Variants in GABRG3 observed in about 807,000 individuals in gnomAD.
The protein encoded by GABRG3 is gamma-aminobutyric acid receptor subunit gamma-3.
In GABRG3, 25 loss-of-function variants were observed where a neutral mutation model predicts 48.8. The ratio of observed to expected loss-of-function variants is 0.51; its 90% CI spans 0.37 to 0.72. GABRG3 has a LOEUF of 0.72. Among genes scored for constraint, GABRG3 ranks in the 30% least tolerant of loss-of-function variants. The pLI is 0.00. For synonymous variants in GABRG3, 227 were observed against 217.6 expected (o/e 1.04, Z -0.38); for missense variants, 394 against 577.9 (o/e 0.68, Z 3.26).
At position 27,363,946 on chromosome 15, in the gene GABRG3, G is replaced by A. The variant is rs541380791; in HGVS notation, c.574+35058G>A. On this transcript the variant is annotated intron_variant, in intron 5 of 9. Coordinates refer to ENST00000615808, the MANE Select transcript of GABRG3 (RefSeq NM_033223.5). Reference sequence around the variant, plus strand: ...TGCCCTCTGAAGCCATTGAGTTTTGGTCCAGGAGTGTGAGATCTGATGGAC... The same window carrying A: ...TGCCCTCTGAAGCCATTGAGTTTTGATCCAGGAGTGTGAGATCTGATGGAC... The A allele has an allele frequency of 5.3e-5, 8 of 152,232 alleles. No homozygotes were observed. In the East Asian group the frequency reaches 1.6e-3, roughly 30 times the overall value. The allele number at this position is 152,232 out of a possible 1,614,324, so 9.4% of individuals were successfully genotyped here.
intron 3 of GABRG3, among the ~76,000 whole-genome samples, chr15:27,305,315 G>A (rs943596211): frequency 1.3e-5 from 2 of 151,366 alleles, no homozygotes; most frequent in African/African-American, 4.8e-5. Context: ...GTAACAAAAT[G>A]TGTACAGTGT....
intron 3 of GABRG3, among the ~76,000 whole-genome samples, chr15:27,067,194 G>T (rs876617): frequency 0.73 from 111,305 of 152,004 alleles, 42,259 homozygotes; most frequent in African/African-American, 0.93. Flanking sequence ...TGGTGAAGAC[G>T]TGGCACTCCA....
At position 27,294,350 on chromosome 15, in the gene GABRG3, G is replaced by A. The variant is rs564328964; in HGVS notation, c.271-32459G>A. 2.0e-5 allele frequency among the ~76,000 whole-genome samples: 3 copies of A among 150,996 alleles called. No individual in the cohort carries two copies. In the East Asian group the frequency reaches 5.9e-4, roughly 30 times the overall value. ...TGCCATCTCATCTTCCCAAGTAGCTGGGACCACAGGTGTGCACCACCACGC... is the reference window on the plus strand; with the variant it reads ...TGCCATCTCATCTTCCCAAGTAGCTAGGACCACAGGTGTGCACCACCACGC... On this transcript the variant is annotated intron_variant, in intron 3 of 9. Coordinates refer to ENST00000615808, the MANE Select transcript of GABRG3 (RefSeq NM_033223.5).
chr15:27,050,543 T>C (rs532958592), intron 3 of GABRG3, among the ~76,000 whole-genome samples: 238 of 152,170 alleles, frequency 1.6e-3, no homozygotes, highest in Non-Finnish European at 2.8e-3. Flanking sequence ...TGGGTTTTAC[T>C]ACCAGTAAAG....
At chr15:27,354,877 A>G (rs1894783954) in intron 5 of GABRG3, among the ~76,000 whole-genome samples, 1 of 152,222 alleles carries the variant, frequency 6.6e-6, no homozygotes, top group African/African-American at 2.4e-5. Context: ...TGCTCAGTAC[A>G]AAGTCTAGGT....
At chr15:27,527,400 C>T (rs1891303349) in intron 7 of GABRG3, 33 bp from the exon 8 acceptor site, 1 of 1,595,972 alleles carries the variant, frequency 6.3e-7, no homozygotes, top group African/African-American at 1.3e-5. Context: ...CGTGTTGCAC[C>T]CTTTTACAAC....
chr15:26,975,804 A>G lies in GABRG3; in HGVS notation c.54-1198A>G, dbSNP rs1315162945. ...TGGGAAGCTAAACAGAAAAGAGTTC[A>G]TATACAGTCAGGACAAATCCGCTTC... is the stretch of plus-strand genomic sequence containing the variant. On this transcript the variant is annotated intron_variant, in intron 1 of 9. Transcript: ENST00000615808. This position sits in a 1 kb window ranked among gnomAD's most constrained non-coding sequence, Gnocchi z 4.6. 6.6e-6 allele frequency among the ~76,000 whole-genome samples: 1 copy of G among 152,232 alleles called. No homozygotes were observed. Among genetic ancestry groups the G allele is most frequent in the Non-Finnish European group, 1.5e-5 (1 of 68,042 alleles).
intron 3 of GABRG3, among the ~76,000 whole-genome samples, chr15:27,188,095 T>C (rs1363633519): frequency 6.6e-6 from 1 of 152,156 alleles, no homozygotes; most frequent in Non-Finnish European, 1.5e-5. Flanking sequence ...CCATGGTGTA[T>C]ATGTGCCACA....
chr15:27,526,574 A>G (rs1181080666), intron 7 of GABRG3, among the ~76,000 whole-genome samples: 1 of 151,486 alleles, frequency 6.6e-6, no homozygotes, highest in Non-Finnish European at 1.5e-5. Context: ...ACTCTTCTTC[A>G]TTTTATTCTT....
At chr15:27,361,600 C>G (rs561337404) in intron 5 of GABRG3, among the ~76,000 whole-genome samples, 1 of 152,206 alleles carries the variant, frequency 6.6e-6, no homozygotes, top group Non-Finnish European at 1.5e-5. Context: ...CTGGAGACCT[C>G]GCCTGTTGGC....
chr15:27,386,922 A>G (rs192618505), intron 5 of GABRG3, among the ~76,000 whole-genome samples: 3 of 152,316 alleles, frequency 2.0e-5, no homozygotes, highest in East Asian at 1.9e-4. Flanking sequence ...GCACTTGTCT[A>G]TGTGTGTGTA....
chr15:27,326,142 C>T (rs1333095600), intron 3 of GABRG3, among the ~76,000 whole-genome samples: 1 of 152,188 alleles, frequency 6.6e-6, no homozygotes, highest in African/African-American at 2.4e-5. Flanking sequence ...GTGAACACTG[C>T]AGTGGCTTCA....
chr15:27,365,447 G>T (rs1029821056), intron 5 of GABRG3: 5 of 152,190 alleles, frequency 3.3e-5, no homozygotes, highest in Middle Eastern at 3.4e-3. Context: ...ATCTGGCCTG[G>T]TTCTTCAATC....
chr15:27,446,383 G>A (rs1248843841), intron 5 of GABRG3, among the ~76,000 whole-genome samples: 2 of 152,134 alleles, frequency 1.3e-5, no homozygotes, highest in African/African-American at 4.8e-5. Flanking sequence ...CCTAACACCA[G>A]ACCGACCCCT....
intron 6 of GABRG3, among the ~76,000 whole-genome samples, chr15:27,498,769 G>A (rs1566867870): frequency 1.3e-5 from 2 of 151,996 alleles, no homozygotes; most frequent in South Asian, 4.1e-4. Context: ...GCCTCCCAAA[G>A]TGCTGAGATT....
At chr15:26,973,889 T>G (rs74814771) in intron 1 of GABRG3, among the ~76,000 whole-genome samples, 5,273 of 152,294 alleles carry the variant, frequency 0.035, 321 homozygotes, top group African/African-American at 0.12. Context: ...AGTAATGGTG[T>G]TTAGGATCCA....
Position 27,536,532 on chromosome 15 carries a change from A to G in GABRG3, c.*3651A>G, listed in dbSNP as rs931613315. 2.6e-5 allele frequency: 4 copies of G among 152,208 alleles called. No individual in the cohort carries two copies. Among genetic ancestry groups the G allele is most frequent in the African/African-American group, 9.7e-5 (4 of 41,450 alleles). 9.4% of individuals were successfully genotyped at this position (152,208 alleles called of 1,614,324 possible). ...CAAACAGTCTTACCCTTAATTTTACATCAAACCAATTAAGTACAAAGATTT... is the reference window on the plus strand; with the variant it reads ...CAAACAGTCTTACCCTTAATTTTACGTCAAACCAATTAAGTACAAAGATTT... On this transcript the variant is annotated 3_prime_UTR_variant, in exon 10 of 10. Transcript: ENST00000615808.
intron 7 of GABRG3, among the ~76,000 whole-genome samples, chr15:27,522,246 T>A (rs1329952207): frequency 6.6e-6 from 1 of 151,950 alleles, no homozygotes; most frequent in Non-Finnish European, 1.5e-5. Flanking sequence ...AGAGAAAATA[T>A]ACTTCAAAAA....
At chr15:27,378,771 T>C (rs886960895) in intron 5 of GABRG3, among the ~76,000 whole-genome samples, 3 of 152,206 alleles carry the variant, frequency 2.0e-5, no homozygotes, top group African/African-American at 7.2e-5. Flanking sequence ...TTCATTTCGC[T>C]GGAAAATTAC....
Sources: allele counts gnomAD v4.1 joint callset (sites outside exome capture counted in the v4.1 genomes callset), GRCh38; gene constraint gnomAD v4.1.1; non-coding constraint Gnocchi (gnomAD v3.1); transcripts MANE v1.5; gene names NCBI Gene and HGNC (gene_info 2026-07-23, HGNC 2026-07-21).